The following CDH4 variants were observed in gnomAD, a reference collection of about 807,000 sequenced individuals.
CDH4 encodes cadherin 4.
In CDH4, 33 loss-of-function variants were observed where a neutral mutation model predicts 86.0. The observed-to-expected ratio is 0.38, with a 90% CI of 0.29 to 0.51. The LOEUF (loss-of-function observed/expected upper bound fraction) is 0.51, where lower values mean the gene tolerates loss of function less well. Ranked by LOEUF, CDH4 falls within the 20% of genes least tolerant of loss-of-function variation. CDH4 has a pLI of 0.86. For synonymous variants in CDH4, 555 were observed against 549.4 expected (o/e 1.01, Z -0.14); for missense variants, 1,114 against 1,307.4 (o/e 0.85, Z 2.28).
At chr20:61,554,233 AT>A (rs1050825270) in intron 2 of CDH4, among the ~76,000 whole-genome samples, 2 of 152,066 alleles carry the variant, frequency 1.3e-5, no homozygotes, top group African/African-American at 4.8e-5. Flanking sequence ...CCTGATTTCC[AT>A]TTCCTTCTGG....
At chr20:61,774,423 C>T (rs6142855) in intron 4 of CDH4, among the ~76,000 whole-genome samples, 66,560 of 152,122 alleles carry the variant, frequency 0.44, 15,194 homozygotes, top group East Asian at 0.71. Context: ...CCCCATGCTG[C>T]GCCCACCTCA....
intron 2 of CDH4, among the ~76,000 whole-genome samples, chr20:61,531,492 AAAAG>A (rs1331678396): frequency 0.027 from 3,801 of 142,102 alleles, 188 homozygotes; most frequent in African/African-American, 0.1. Context: ...AAAAAAAAAA[AAAAG>A]GGATTTAGCA....
At chr20:61,905,538 GCC>G (rs2054779865) in intron 8 of CDH4, among the ~76,000 whole-genome samples, 1 of 152,200 alleles carries the variant, frequency 6.6e-6, no homozygotes, top group East Asian at 1.9e-4. Flanking sequence ...TTCAGGCACG[GCC>G]GCTCCACCAG....
rs954900294 is a variant in CDH4 at position 61,807,637 on chromosome 20, A to G, written c.576+34455A>G. ...GCCAGCCACAGAGTGGTGGCCAAAT[A>G]GCATTCGGGGAGGTAAACAGAAGAT... On this transcript the variant is annotated intron_variant, in intron 4 of 15. Transcript: ENST00000614565. This position sits in a 1 kb window ranked among gnomAD's most constrained non-coding sequence, Gnocchi z 4.5. Among the ~76,000 whole-genome samples the G allele has an allele frequency of 6.6e-6, 1 of 152,156 alleles. No individual in the cohort carries two copies. The highest frequency in any genetic ancestry group is 1.5e-5 in the Non-Finnish European group (1 of 68,010).
intron 2 of CDH4, among the ~76,000 whole-genome samples, chr20:61,542,247 T>C (rs2086045134): frequency 6.6e-6 from 1 of 152,208 alleles, no homozygotes; most frequent in Non-Finnish European, 1.5e-5. Flanking sequence ...TCTGTTGTTA[T>C]AAACAGTGTG....
intron 2 of CDH4, among the ~76,000 whole-genome samples, chr20:61,257,221 CCTT>C (rs1380773372): frequency 2.0e-5 from 3 of 152,366 alleles, no homozygotes; most frequent in African/African-American, 4.8e-5. Context: ...CTCCGTGGCT[CCTT>C]CTCTTTGCCT....
At chr20:61,443,234 G>C (rs2085323641) in intron 2 of CDH4, among the ~76,000 whole-genome samples, 1 of 152,218 alleles carries the variant, frequency 6.6e-6, no homozygotes, top group Non-Finnish European at 1.5e-5. Context: ...AGTGGTTAAT[G>C]CTCTTTAATT....
intron 2 of CDH4, among the ~76,000 whole-genome samples, chr20:61,559,891 C>T (rs896829330): frequency 5.3e-5 from 8 of 152,282 alleles, no homozygotes; most frequent in African/African-American, 9.6e-5. Context: ...CTTGCCAGTG[C>T]GGTGTGCACC....
chr20:61,737,737 C>T (rs945448347), intron 2 of CDH4, among the ~76,000 whole-genome samples: 44 of 152,310 alleles, frequency 2.9e-4, no homozygotes, highest in African/African-American at 1.0e-3. Context: ...CGACATCCAC[C>T]CAGTGCCTGC....
chr20:61,443,749 T>C (rs1284184230), intron 2 of CDH4, among the ~76,000 whole-genome samples: 2 of 152,060 alleles, frequency 1.3e-5, no homozygotes, highest in Non-Finnish European at 2.9e-5. Flanking sequence ...CAGGACCGGG[T>C]CTTGCTTGGC....
chr20:61,548,658 A>G (rs1224434792), intron 2 of CDH4, among the ~76,000 whole-genome samples: 1 of 152,180 alleles, frequency 6.6e-6, no homozygotes, highest in East Asian at 1.9e-4. Flanking sequence ...CTCTAAAAGC[A>G]CCCATTTTTA....
chr20:61,667,669 C>T (rs987245431), intron 2 of CDH4, among the ~76,000 whole-genome samples: 1 of 152,186 alleles, frequency 6.6e-6, no homozygotes, highest in African/African-American at 2.4e-5. Flanking sequence ...CACCTGCACA[C>T]GTGCATGCAC....
intron 4 of CDH4, among the ~76,000 whole-genome samples, chr20:61,830,027 C>A (rs1981519165): frequency 6.6e-6 from 1 of 151,962 alleles, no homozygotes; most frequent in Non-Finnish European, 1.5e-5. Flanking sequence ...GGCCCCAGAT[C>A]TCTAAATTTT....
At chr20:61,258,329 C>CAAAAAAAAAAAAAAA (rs778048684) in intron 2 of CDH4, among the ~76,000 whole-genome samples, 6 of 62,336 alleles carry the variant, frequency 9.6e-5, no homozygotes, top group African/African-American at 1.5e-4. Context: ...GACTCCGTCT[C>CAAAAAAAAAAAAAAA]AAAAAAAAAA....
intron 6 of CDH4, among the ~76,000 whole-genome samples, chr20:61,861,638 C>G (rs891646301): frequency 1.5e-5 from 2 of 135,308 alleles, no homozygotes; most frequent in Non-Finnish European, 3.3e-5. Flanking sequence ...CAAGTGGAGG[C>G]TGGGGTGAGA....
chr20:61,666,310 G>T (rs904636132), intron 2 of CDH4, among the ~76,000 whole-genome samples: 1 of 152,198 alleles, frequency 6.6e-6, no homozygotes, highest in Admixed American at 6.5e-5. Flanking sequence ...CCCTGTAGAC[G>T]AACTTGAAAT....
At chr20:61,267,899 A>G (rs893623947) in intron 2 of CDH4, among the ~76,000 whole-genome samples, 4 of 152,200 alleles carry the variant, frequency 2.6e-5, no homozygotes, top group African/African-American at 4.8e-5. Context: ...CTGTGTTTCC[A>G]GCAGCTGTGT....
intron 2 of CDH4, among the ~76,000 whole-genome samples, chr20:61,468,859 T>TC (rs1450200205): frequency 1.3e-5 from 2 of 152,234 alleles, no homozygotes; most frequent in East Asian, 3.8e-4. Context: ...GATCTCCAGT[T>TC]CTATCCATCT....
intron 2 of CDH4, among the ~76,000 whole-genome samples, chr20:61,583,882 G>T (rs1036559532): frequency 6.6e-6 from 1 of 152,216 alleles, no homozygotes; most frequent in African/African-American, 2.4e-5. Flanking sequence ...ACTGGGGCAG[G>T]ACACGGTGGC....
Sources: allele counts gnomAD v4.1 joint callset (sites outside exome capture counted in the v4.1 genomes callset), GRCh38; gene constraint gnomAD v4.1.1; non-coding constraint Gnocchi (gnomAD v3.1); transcripts MANE v1.5; gene names NCBI Gene and HGNC (gene_info 2026-07-23, HGNC 2026-07-21).